Variants in BRINP3 observed in about 807,000 individuals in gnomAD.
BRINP3 encodes the protein BMP/retinoic acid-inducible neural-specific protein 3.
In BRINP3, 19 loss-of-function variants were observed where a neutral mutation model predicts 71.0. The ratio of observed to expected loss-of-function variants is 0.27; its 90% CI spans 0.19 to 0.39. The LOEUF is 0.39. Ranked by LOEUF, BRINP3 falls within the 10% of genes least tolerant of loss-of-function variation. The pLI is 1.00. For synonymous variants in BRINP3, 380 were observed against 337.7 expected, an observed-to-expected ratio of 1.13 and a Z score of -1.37; for missense variants, 959 against 940.8, an observed-to-expected ratio of 1.02 and a Z score of -0.25.
intron 2 of BRINP3, among the ~76,000 whole-genome samples, chr1:190,388,183 A>G (rs1311294720): frequency 6.6e-6 from 1 of 151,838 alleles, no homozygotes; most frequent in Non-Finnish European, 1.5e-5. Flanking sequence ...ACTGAATGGA[A>G]ATTATGTTCC....
intron 2 of BRINP3, among the ~76,000 whole-genome samples, chr1:190,301,234 T>TATATATATATATAC (rs1268377492): frequency 4.1e-5 from 5 of 123,408 alleles, no homozygotes; most frequent in Admixed American, 1.7e-4. Context: ...TATATATATA[T>TATATATATATATAC]ACACACATAC....
At chr1:190,226,371 AAAATAC>A in intron 5 of BRINP3, 53 bp from the exon 6 acceptor site, 1 of 999,508 alleles carries the variant, frequency 1.0e-6, no homozygotes, top group Non-Finnish European at 1.4e-6. Flanking sequence ...AGAAAAAATT[AAAATAC>A]TTATTTATAA....
At chr1:190,154,178 G>T (rs537717305) in intron 7 of BRINP3, 35 of 446,934 alleles carry the variant, frequency 7.8e-5, no homozygotes, top group African/African-American at 7.5e-4. Flanking sequence ...GGAGTTTCAT[G>T]CATTCCTCCC....
chr1:190,453,736 CAA>C (rs1290605406), intron 2 of BRINP3, among the ~76,000 whole-genome samples: 1 of 152,052 alleles, frequency 6.6e-6, no homozygotes, highest in African/African-American at 2.4e-5. Flanking sequence ...TGACTACAGA[CAA>C]ACATGAAGCA....
At position 190,150,416 on chromosome 1, in the gene BRINP3, C is replaced by T. The variant is rs565464853; in HGVS notation, c.1184+10252G>A. ...CACATAGTATTGAGATTAGAGATTG[C>T]GTACTGCATCTAAGTGGTGTTACCA... On this transcript the variant is annotated intron_variant, in intron 7 of 7. Transcript: ENST00000367462. Among the ~76,000 whole-genome samples the T allele has an allele frequency of 9.9e-5, 15 of 152,138 alleles. No homozygotes were observed. In the South Asian group the frequency reaches 2.3e-3, roughly 23 times the overall value.
At chr1:190,164,647 G>C (rs1412085659) in intron 6 of BRINP3, among the ~76,000 whole-genome samples, 1 of 152,026 alleles carries the variant, frequency 6.6e-6, no homozygotes, top group Non-Finnish European at 1.5e-5. Context: ...CTGAAGTAGG[G>C]TGGCATGATC....
chr1:190,123,117 A>G (rs2102325386), intron 7 of BRINP3, among the ~76,000 whole-genome samples: 1 of 152,262 alleles, frequency 6.6e-6, no homozygotes, highest in South Asian at 2.1e-4. Flanking sequence ...TGACACCTGT[A>G]TAATTGTTCG....
At chr1:190,392,021 G>T (rs1464866667) in intron 2 of BRINP3, among the ~76,000 whole-genome samples, 2 of 149,584 alleles carry the variant, frequency 1.3e-5, no homozygotes, top group South Asian at 2.1e-4. Flanking sequence ...ACAGCAGACA[G>T]TATGATGTTA....
chr1:190,140,159 T>C (rs775114923), intron 7 of BRINP3, among the ~76,000 whole-genome samples: 6 of 152,210 alleles, frequency 3.9e-5, no homozygotes, highest in Non-Finnish European at 8.8e-5. Context: ...TTAATTTGAG[T>C]ATTTTTTATT....
In BRINP3 at chr1:190,275,899, C is replaced by A. The variant is rs896913564; in HGVS notation, c.427+5661G>T. Among the ~76,000 whole-genome samples, 4 of 151,124 alleles carry A rather than the reference C, an allele frequency of 2.6e-5. No homozygotes were observed. The South Asian group carries it at 8.3e-4, about 31-fold the overall frequency. Reference sequence around the variant, plus strand: ...TTGTAAACAATTAAAAAAAGATTAACAATATTGCTTTAACTTCAGATATTT... The same window carrying A: ...TTGTAAACAATTAAAAAAAGATTAAAAATATTGCTTTAACTTCAGATATTT... On this transcript the variant is annotated intron_variant, in intron 3 of 7. Coordinates refer to ENST00000367462, the MANE Select transcript of BRINP3 (RefSeq NM_199051.3).
intron 2 of BRINP3, among the ~76,000 whole-genome samples, chr1:190,359,201 T>G (rs920409876): frequency 6.6e-6 from 1 of 151,804 alleles, no homozygotes; most frequent in Non-Finnish European, 1.5e-5. Context: ...CAAAAGCTAT[T>G]AAAACAAACA....
chr1:190,193,220 G>A (rs528209125), intron 6 of BRINP3, among the ~76,000 whole-genome samples: 1 of 152,108 alleles, frequency 6.6e-6, no homozygotes, highest in South Asian at 2.1e-4. Flanking sequence ...AAGAAATGAG[G>A]AGGTGTTTGT....
intron 1 of BRINP3, among the ~76,000 whole-genome samples, chr1:190,468,163 T>C (rs1432758604): frequency 6.6e-6 from 1 of 151,374 alleles, no homozygotes; most frequent in African/African-American, 2.4e-5. Flanking sequence ...CAGCTTTGAC[T>C]GATGCAAATA....
chr1:190,169,360 G>A (rs1353820314), intron 6 of BRINP3, among the ~76,000 whole-genome samples: 2 of 152,124 alleles, frequency 1.3e-5, no homozygotes, highest in African/African-American at 2.4e-5. Context: ...GTATTGGTGT[G>A]GCAGATGTGC....
intron 4 of BRINP3, among the ~76,000 whole-genome samples, chr1:190,257,076 G>A (rs1190830930): frequency 6.6e-6 from 1 of 152,186 alleles, no homozygotes; most frequent in Non-Finnish European, 1.5e-5. Context: ...ATATCCTGAA[G>A]AGTGTTTTCC....
At chr1:190,102,800 A>G (rs2102248875) in intron 7 of BRINP3, among the ~76,000 whole-genome samples, 1 of 152,158 alleles carries the variant, frequency 6.6e-6, no homozygotes, top group Non-Finnish European at 1.5e-5. Flanking sequence ...ATCTATAAGG[A>G]AGAGTTTAAG....
chr1:190,465,877 T>C (rs528247229), intron 1 of BRINP3, among the ~76,000 whole-genome samples: 15 of 151,910 alleles, frequency 9.9e-5, no homozygotes, highest in African/African-American at 3.6e-4. Context: ...CAGAAGACAG[T>C]TTTAAAAAAA....
chr1:190,295,169 C>T (rs1203001651), intron 2 of BRINP3, among the ~76,000 whole-genome samples: 2 of 151,998 alleles, frequency 1.3e-5, no homozygotes, highest in East Asian at 1.9e-4. Context: ...CCTGAGGCTA[C>T]GTTAGGCAGC....
At chr1:190,181,514 A>T (rs1653028587) in intron 6 of BRINP3, among the ~76,000 whole-genome samples, 1 of 151,614 alleles carries the variant, frequency 6.6e-6, no homozygotes, top group Admixed American at 6.6e-5. Flanking sequence ...ATTTTACTTG[A>T]TTTACCTGTA....
Sources: gnomAD v4.1 joint callset for allele counts (sites outside exome capture counted in the v4.1 genomes callset) on GRCh38, gnomAD v4.1.1 for gene constraint, MANE v1.5 for transcripts, NCBI Gene and HGNC (gene_info 2026-07-23, HGNC 2026-07-21) for gene names.